The following FBXL7 variants were observed in gnomAD, a reference collection of about 807,000 sequenced individuals.
FBXL7 encodes the protein F-box and leucine rich repeat protein 7.
Under a neutral mutation model 38.3 loss-of-function variants are expected in FBXL7, and 12 were observed. That is an observed-to-expected ratio of 0.31 (90% CI 0.20 to 0.51). The LOEUF (loss-of-function observed/expected upper bound fraction) is 0.51, where lower values mean the gene tolerates loss of function less well. Ranked by LOEUF, FBXL7 falls within the 20% of genes least tolerant of loss-of-function variation. FBXL7 has a pLI of 0.98. For synonymous variants in FBXL7, 297 were observed against 300.9 expected (o/e 0.99, Z 0.13); for missense variants, 567 against 676.4 (o/e 0.84, Z 1.79).
At chr5:15,577,870 G>A (rs927802858) in intron 1 of FBXL7, among the ~76,000 whole-genome samples, 2 of 152,056 alleles carry the variant, frequency 1.3e-5, no homozygotes, top group African/African-American at 2.4e-5. Context: ...AGGTTATTGG[G>A]GTTGATGTCC....
chr5:15,627,699 T>C (rs1740865034), intron 2 of FBXL7, among the ~76,000 whole-genome samples: 1 of 152,174 alleles, frequency 6.6e-6, no homozygotes, highest in Admixed American at 6.5e-5. Context: ...TTCTCAACTC[T>C]TCTATAGTGA....
intron 2 of FBXL7, among the ~76,000 whole-genome samples, chr5:15,658,498 C>A (rs1003992614): frequency 6.6e-6 from 1 of 152,110 alleles, no homozygotes; most frequent in Non-Finnish European, 1.5e-5. Context: ...AGGGGCTTCA[C>A]CCTTTGTAGC....
At chr5:15,840,770 C>T (rs918461691) in intron 2 of FBXL7, among the ~76,000 whole-genome samples, 3 of 150,924 alleles carry the variant, frequency 2.0e-5, no homozygotes, top group Admixed American at 1.3e-4. Flanking sequence ...TCGCTTGAAC[C>T]CAGGAGGTGG....
intron 2 of FBXL7, among the ~76,000 whole-genome samples, chr5:15,856,817 A>G (rs1340733246): frequency 2.0e-5 from 3 of 151,520 alleles, no homozygotes; most frequent in Non-Finnish European, 1.5e-5. Flanking sequence ...TACTTCCATG[A>G]CTCCTTCCAA....
intron 2 of FBXL7, among the ~76,000 whole-genome samples, chr5:15,844,250 G>T (rs2126786513): frequency 6.6e-6 from 1 of 152,224 alleles, no homozygotes; most frequent in South Asian, 2.1e-4. Flanking sequence ...CAAGTGCCAG[G>T]GAAGGGGAAG....
chr5:15,834,721 G>T (rs571680858), intron 2 of FBXL7, among the ~76,000 whole-genome samples: 1 of 152,312 alleles, frequency 6.6e-6, no homozygotes, highest in East Asian at 1.9e-4. Context: ...CGTAGAAGCT[G>T]TGTGAACCTG....
intron 2 of FBXL7, among the ~76,000 whole-genome samples, chr5:15,735,883 T>C (rs781340585): frequency 2.6e-5 from 4 of 152,172 alleles, no homozygotes; most frequent in Non-Finnish European, 5.9e-5. Flanking sequence ...TTGAGGAAGA[T>C]GGAGGATTAA....
intron 2 of FBXL7, among the ~76,000 whole-genome samples, chr5:15,710,494 A>G (rs770842807): frequency 1.3e-5 from 2 of 152,114 alleles, no homozygotes; most frequent in Non-Finnish European, 2.9e-5. Context: ...ATACATGCAC[A>G]TGCACAAAAA....
At chr5:15,609,942 A>G (rs1044202793) in intron 1 of FBXL7, among the ~76,000 whole-genome samples, 11 of 152,200 alleles carry the variant, frequency 7.2e-5, no homozygotes, top group African/African-American at 2.7e-4. Flanking sequence ...AAGAGGTGTA[A>G]TGGACTCACA....
intron 2 of FBXL7, among the ~76,000 whole-genome samples, chr5:15,666,439 G>A (rs1360514687): frequency 6.6e-6 from 1 of 152,112 alleles, no homozygotes; most frequent in African/African-American, 2.4e-5. Context: ...GAAGAAAATG[G>A]TGTCAGCTGT....
chr5:15,538,565 T>G (rs1249149184), intron 1 of FBXL7, among the ~76,000 whole-genome samples: 2 of 152,148 alleles, frequency 1.3e-5, no homozygotes, highest in Non-Finnish European at 2.9e-5. Context: ...AATCAACAGA[T>G]TTAAGTTGAC....
At chr5:15,866,988 T>G (rs1739745149) in intron 2 of FBXL7, among the ~76,000 whole-genome samples, 1 of 152,148 alleles carries the variant, frequency 6.6e-6, no homozygotes, top group Admixed American at 6.5e-5. Flanking sequence ...AGTTAGAAAC[T>G]TAAGAAAGAT....
At chr5:15,540,875 C>G (rs899864499) in intron 1 of FBXL7, among the ~76,000 whole-genome samples, 3 of 151,870 alleles carry the variant, frequency 2.0e-5, no homozygotes, top group African/African-American at 7.2e-5. Context: ...CTAATTACCT[C>G]CTAGGGACCC....
intron 2 of FBXL7, among the ~76,000 whole-genome samples, chr5:15,634,882 CCTT>C (rs1477570751): frequency 2.0e-5 from 3 of 152,116 alleles, no homozygotes; most frequent in Admixed American, 2.0e-4. Context: ...TGACTCTCCT[CCTT>C]CTCATAAAAA....
At chr5:15,934,926 T>C (rs1437965139) in intron 3 of FBXL7, among the ~76,000 whole-genome samples, 1 of 152,074 alleles carries the variant, frequency 6.6e-6, no homozygotes, top group Non-Finnish European at 1.5e-5. Context: ...AATAAATAAA[T>C]ATATAATGCC....
chr5:15,704,261 A>G (rs1294831329), intron 2 of FBXL7, among the ~76,000 whole-genome samples: 2 of 152,220 alleles, frequency 1.3e-5, no homozygotes, highest in Non-Finnish European at 2.9e-5. Flanking sequence ...TCAGGATTCC[A>G]GCTCCCTCAT....
chr5:15,515,039 G>T (rs1435823779), intron 1 of FBXL7, among the ~76,000 whole-genome samples: 1 of 152,142 alleles, frequency 6.6e-6, no homozygotes, highest in African/African-American at 2.4e-5. Flanking sequence ...TAAACCACCT[G>T]CACTCAGACC....
chr5:15,887,686 A>G (rs575389841), intron 2 of FBXL7, among the ~76,000 whole-genome samples: 19 of 152,254 alleles, frequency 1.2e-4, no homozygotes, highest in African/African-American at 4.1e-4. Flanking sequence ...TAACTCCGCT[A>G]CTCATGGGGG....
chr5:15,766,520 G>A (rs1184985487), intron 2 of FBXL7, among the ~76,000 whole-genome samples: 1 of 152,226 alleles, frequency 6.6e-6, no homozygotes, highest in African/African-American at 2.4e-5. Context: ...CAGAGGGAGT[G>A]AATATAAGTT....
Sources: allele counts gnomAD v4.1 joint callset (sites outside exome capture counted in the v4.1 genomes callset), GRCh38; gene constraint gnomAD v4.1.1; transcripts MANE v1.5; gene names NCBI Gene and HGNC (gene_info 2026-07-23, HGNC 2026-07-21).